The following OSBPL6 variants were observed in gnomAD, a reference collection of about 807,000 sequenced individuals.
The protein encoded by OSBPL6 is oxysterol binding protein like 6, also known as oxysterol-binding protein-related protein 6.
Under a neutral mutation model 125.8 loss-of-function variants are expected in OSBPL6, and 49 were observed. The observed-to-expected ratio is 0.39, with a 90% CI of 0.31 to 0.49. The LOEUF (loss-of-function observed/expected upper bound fraction) is 0.49, where lower values mean the gene tolerates loss of function less well. OSBPL6 is among the 20% of genes least tolerant of loss of function. The pLI, the probability that OSBPL6 is intolerant of heterozygous loss-of-function variation, is 0.88. For synonymous variants in OSBPL6, 394 were observed against 391.8 expected (o/e 1.01, Z -0.07); for missense variants, 986 against 1,135.4 (o/e 0.87, Z 1.89).
chr2:178,228,403 C>G (rs540302470), intron 1 of OSBPL6, among the ~76,000 whole-genome samples: 1 of 152,134 alleles, frequency 6.6e-6, no homozygotes, highest in Non-Finnish European at 1.5e-5. Flanking sequence ...GGTGTGGTGG[C>G]GTGCGCCTGT....
chr2:178,312,000 G>A (rs180895897), intron 3 of OSBPL6, among the ~76,000 whole-genome samples: 1 of 152,078 alleles, frequency 6.6e-6, no homozygotes, highest in South Asian at 2.1e-4. Context: ...AAATTAAATT[G>A]AAATGGCGTC....
chr2:178,264,507 C>T (rs964366081), intron 1 of OSBPL6, among the ~76,000 whole-genome samples: 3 of 152,196 alleles, frequency 2.0e-5, no homozygotes, highest in African/African-American at 7.2e-5. Flanking sequence ...CCAATTATAA[C>T]TAATTTCTAA....
At chr2:178,371,113 T>A (rs1693339120) in intron 13 of OSBPL6, among the ~76,000 whole-genome samples, 1 of 152,248 alleles carries the variant, frequency 6.6e-6, no homozygotes, top group Non-Finnish European at 1.5e-5. Context: ...TACTAGGCAC[T>A]GACATTTATA....
At chr2:178,314,430 C>G (rs1436871184) in intron 3 of OSBPL6, among the ~76,000 whole-genome samples, 1 of 152,162 alleles carries the variant, frequency 6.6e-6, no homozygotes, top group African/African-American at 2.4e-5. Context: ...ATCTGAAAAT[C>G]TGCAGTGTCC....
intron 2 of OSBPL6, among the ~76,000 whole-genome samples, chr2:178,297,465 AG>A (rs1301126747): frequency 2.0e-5 from 3 of 152,184 alleles, no homozygotes; most frequent in Non-Finnish European, 4.4e-5. Flanking sequence ...AACTAATATT[AG>A]GGTGGATATC....
chr2:178,323,104 T>A (rs1233535571), intron 3 of OSBPL6, among the ~76,000 whole-genome samples: 1 of 152,110 alleles, frequency 6.6e-6, no homozygotes, highest in Non-Finnish European at 1.5e-5. Flanking sequence ...AGGCATGTAC[T>A]TTTTTTCCCC....
intron 20 of OSBPL6, 88 bp from the exon 21 acceptor site, chr2:178,388,920 CT>C: frequency 7.3e-7 from 1 of 1,367,184 alleles, no homozygotes. Flanking sequence ...GAAAAGGAAG[CT>C]TTGGCCAAAG....
chr2:178,254,988 G>A lies in OSBPL6; in HGVS notation c.-350-29939G>A, dbSNP rs144415475. Among the ~76,000 whole-genome samples the A allele has an allele frequency of 8.2e-4, 125 of 152,288 alleles. 1 individual carries two copies. In the East Asian group the frequency reaches 0.02, roughly 25 times the overall value. On this transcript the variant is annotated intron_variant, in intron 1 of 24. Coordinates refer to ENST00000190611, the MANE Select transcript of OSBPL6 (RefSeq NM_032523.4). ...GAAGGTGATTGAGCAGCAAAGTCAC[G>A]TCTTACAGGGTGGCAGGCAAGAGAG...
At chr2:178,306,332 A>G in intron 3 of OSBPL6, 46 bp downstream of exon 3, 1 of 1,131,874 alleles carries the variant, frequency 8.8e-7, no homozygotes, top group Non-Finnish European at 1.3e-6. Flanking sequence ...ATGCAAATGC[A>G]ATACCACTGA....
chr2:178,385,364 CT>C, intron 18 of OSBPL6, 93 bp from the exon 19 acceptor site: 1 of 884,718 alleles, frequency 1.1e-6, no homozygotes, highest in Non-Finnish European at 1.8e-6. Context: ...TACAGATTTA[CT>C]TATACATTTT....
intron 12 of OSBPL6, among the ~76,000 whole-genome samples, chr2:178,361,352 G>T (rs1441591314): frequency 6.6e-6 from 1 of 152,150 alleles, no homozygotes; most frequent in African/African-American, 2.4e-5. Context: ...AAGTAAACTT[G>T]TTCCCTATTC....
At chr2:178,393,182 C>T (rs779995970) in intron 23 of OSBPL6, among the ~76,000 whole-genome samples, 1 of 152,116 alleles carries the variant, frequency 6.6e-6, no homozygotes, top group Non-Finnish European at 1.5e-5. Flanking sequence ...GTGTTTCTGA[C>T]CTTTTTACTT....
chr2:178,237,476 C>T (rs1477549131), intron 1 of OSBPL6, among the ~76,000 whole-genome samples: 1 of 152,122 alleles, frequency 6.6e-6, no homozygotes, highest in Non-Finnish European at 1.5e-5. Flanking sequence ...CCTCTGTTGC[C>T]CACCCATCTG....
intron 20 of OSBPL6, among the ~76,000 whole-genome samples, chr2:178,387,448 A>T (rs1404093890): frequency 6.6e-6 from 1 of 152,214 alleles, no homozygotes; most frequent in African/African-American, 2.4e-5. Flanking sequence ...TTTCTTTGCT[A>T]TACAATTCAG....
At chr2:178,244,631 A>C (rs1446795020) in intron 1 of OSBPL6, among the ~76,000 whole-genome samples, 2 of 152,164 alleles carry the variant, frequency 1.3e-5, no homozygotes, top group East Asian at 3.8e-4. Flanking sequence ...CATTTGATAG[A>C]TATGCTTTTA....
chr2:178,296,311 A>C (rs987821387), intron 2 of OSBPL6, among the ~76,000 whole-genome samples: 7 of 152,186 alleles, frequency 4.6e-5, no homozygotes, highest in Non-Finnish European at 1.0e-4. Context: ...GGGTTTGTGA[A>C]GAAGAGTTAT....
At chr2:178,251,156 A>C (rs1280079271) in intron 1 of OSBPL6, among the ~76,000 whole-genome samples, 1 of 152,040 alleles carries the variant, frequency 6.6e-6, no homozygotes, top group Non-Finnish European at 1.5e-5. Flanking sequence ...AGAGAGCAGA[A>C]GGGGGATCCA....
rs1285368379 is a variant in OSBPL6 at position 178,328,327 on chromosome 2, T to G, written c.267T>G (p.His89Gln). The change falls in exon 5 of 25, where the codon CAT becomes CAG. Residue 89 changes from histidine (H) to glutamine (Q), a missense_variant. This residue lies in a region of OSBPL6 where 130 missense variants were observed against 106.4 expected (regional missense o/e 1.22). Coordinates refer to ENST00000190611, the MANE Select transcript of OSBPL6 (RefSeq NM_032523.4). ...GQTNVQKPDK[H>Q]EGFMLKKRKW... Reference sequence around the variant, plus strand: ...CCAATGTCCAGAAACCAGACAAACATGAGGGCTTTATGCTGAAGAAAAGAA... The same window carrying G: ...CCAATGTCCAGAAACCAGACAAACAGGAGGGCTTTATGCTGAAGAAAAGAA... The G allele has an allele frequency of 6.2e-7, 1 of 1,613,872 alleles. No individual in the cohort carries two copies. Among genetic ancestry groups the G allele is most frequent in the Non-Finnish European group, 8.5e-7 (1 of 1,179,856 alleles).
intron 2 of OSBPL6, among the ~76,000 whole-genome samples, chr2:178,286,821 T>C (rs1684734851): frequency 6.6e-6 from 1 of 152,212 alleles, no homozygotes; most frequent in Admixed American, 6.5e-5. Context: ...AGAACAGTAA[T>C]GCTATGCCCT....
Sources: gnomAD v4.1 joint callset for allele counts (sites outside exome capture counted in the v4.1 genomes callset) on GRCh38, gnomAD v4.1.1 for gene constraint, gnomAD v4.1.1 regional missense constraint, MANE v1.5 for transcripts, NCBI Gene and HGNC (gene_info 2026-07-23, HGNC 2026-07-21) for gene names.